EXT1: variants seen among roughly 807,000 people sequenced by gnomAD.
EXT1 encodes exostosin-1.
A neutral mutation model predicts 82.5 loss-of-function variants in EXT1; 20 were observed. The observed-to-expected ratio is 0.24, with a 90% CI of 0.17 to 0.35. The LOEUF (loss-of-function observed/expected upper bound fraction) is 0.35, where lower values mean the gene tolerates loss of function less well. Among genes scored for constraint, EXT1 ranks in the 10% least tolerant of loss-of-function variants. The pLI is 1.00. For missense variants in EXT1, 757 were observed against 936.5 expected (o/e 0.81, Z 2.50); for synonymous variants, 348 against 350.8 (o/e 0.99, Z 0.09).
intron 1 of EXT1, among the ~76,000 whole-genome samples, chr8:118,086,918 C>T (rs1027902526): frequency 2.6e-5 from 4 of 152,094 alleles, no homozygotes; most frequent in African/African-American, 4.8e-5. Flanking sequence ...AGTAAAACCC[C>T]GTGTTTTGAT....
chr8:118,106,894 A>G (rs1817810740), intron 1 of EXT1, among the ~76,000 whole-genome samples: 1 of 152,262 alleles, frequency 6.6e-6, no homozygotes, highest in Admixed American at 6.5e-5. Context: ...AATTACAGCT[A>G]TCATAAAAAT....
At position 117,799,160 on chromosome 8, in the gene EXT1, G is replaced by A. The variant is rs932713573; in HGVS notation, c.*552C>T. Reference sequence around the variant, plus strand: ...AAAGTTCAAGTGGATTTGAAGATTCGAAGTGGAAAACAATTTGCACTGGCA... The same window carrying A: ...AAAGTTCAAGTGGATTTGAAGATTCAAAGTGGAAAACAATTTGCACTGGCA... On this transcript the variant is annotated 3_prime_UTR_variant, in exon 11 of 11. Transcript: ENST00000378204. 1 of 156,014 alleles carries A rather than the reference G, an allele frequency of 6.4e-6. No homozygotes were observed. Among genetic ancestry groups the A allele is most frequent in the Non-Finnish European group, 1.4e-5 (1 of 70,542 alleles). The allele number at this position is 156,014 out of a possible 1,614,324, so 9.7% of individuals were successfully genotyped here.
chr8:117,841,900 T>A (rs1477145707), intron 1 of EXT1, among the ~76,000 whole-genome samples: 2 of 152,172 alleles, frequency 1.3e-5, no homozygotes, highest in Non-Finnish European at 2.9e-5. Flanking sequence ...TCTGTGCAAC[T>A]GGGAAAGATG....
chr8:117,826,695 C>A (rs1162657313), intron 4 of EXT1, among the ~76,000 whole-genome samples: 1 of 151,972 alleles, frequency 6.6e-6, no homozygotes. Flanking sequence ...GTTGAGAGGT[C>A]AAACTGTTAC....
chr8:117,812,565 G>A (rs757967651), intron 8 of EXT1, among the ~76,000 whole-genome samples: 1 of 152,058 alleles, frequency 6.6e-6, no homozygotes, highest in African/African-American at 2.4e-5. Context: ...TCAGTTCTGC[G>A]CAACTGCTCA....
At chr8:117,996,446 G>A (rs1275417710) in intron 1 of EXT1, among the ~76,000 whole-genome samples, 2 of 152,202 alleles carry the variant, frequency 1.3e-5, no homozygotes, top group African/African-American at 4.8e-5. Context: ...TACAGATATA[G>A]CATATTTTCA....
At chr8:118,075,108 A>G (rs1405276653) in intron 1 of EXT1, among the ~76,000 whole-genome samples, 1 of 152,246 alleles carries the variant, frequency 6.6e-6, no homozygotes, top group Non-Finnish European at 1.5e-5. Flanking sequence ...CCATGGTTAC[A>G]TCTGACAGAT....
intron 1 of EXT1, among the ~76,000 whole-genome samples, chr8:118,013,942 T>C (rs1799368713): frequency 6.6e-6 from 1 of 152,180 alleles, no homozygotes; most frequent in African/African-American, 2.4e-5. Flanking sequence ...TGGAGTTAAG[T>C]TGAACTGCGA....
chr8:117,804,749 C>T lies in EXT1; in HGVS notation c.2028G>A (p.Lys676=). 6.2e-7 allele frequency: 1 copy of T among 1,614,138 alleles called. No homozygotes were observed. ...KLPPIKVTQK[K]QYKETMMGQT... is the part of the protein sequence containing the mutation. ...GTCCCATCATTGTCTCCTTATACTG[C>T]TTCTTCTGGGTCACTTTGATTGGAG... is the stretch of plus-strand genomic sequence containing the variant. The change falls in exon 10 of 11, where the codon AAG becomes AAA. Residue 676 remains lysine (K), a synonymous_variant. Transcript: ENST00000378204.
intron 1 of EXT1, among the ~76,000 whole-genome samples, chr8:117,877,131 C>T (rs941336193): frequency 6.6e-6 from 1 of 152,166 alleles, no homozygotes; most frequent in Admixed American, 6.5e-5. Context: ...GTATCTTTTG[C>T]ACGCTGCTTT....
chr8:118,002,396 A>C (rs1479286765), intron 1 of EXT1, among the ~76,000 whole-genome samples: 2 of 150,908 alleles, frequency 1.3e-5, no homozygotes, highest in Non-Finnish European at 3.0e-5. Context: ...AAAAAAAAAA[A>C]AAAAAAGGCT....
At chr8:117,984,162 TCATCCCAGC>T (rs1200109208) in intron 1 of EXT1, among the ~76,000 whole-genome samples, 1 of 152,220 alleles carries the variant, frequency 6.6e-6, no homozygotes, top group Non-Finnish European at 1.5e-5. Context: ...CTCACACCTG[TCATCCCAGC>T]ACTTTGGGAG....
intron 1 of EXT1, among the ~76,000 whole-genome samples, chr8:117,838,846 C>G (rs552960461): frequency 6.6e-6 from 1 of 151,756 alleles, no homozygotes; most frequent in Non-Finnish European, 1.5e-5. Context: ...ACAGAAAGGT[C>G]GAATATACTT....
chr8:117,967,809 A>T (rs888840395), intron 1 of EXT1, among the ~76,000 whole-genome samples: 6 of 152,240 alleles, frequency 3.9e-5, no homozygotes, highest in African/African-American at 1.2e-4. Flanking sequence ...CTAAAGGTGG[A>T]GAGGTAATGA....
intron 7 of EXT1, among the ~76,000 whole-genome samples, chr8:117,816,576 C>T (rs1477776144): frequency 1.3e-5 from 2 of 152,136 alleles, no homozygotes; most frequent in Non-Finnish European, 2.9e-5. Flanking sequence ...GAACAAATGC[C>T]AGGGGCCTGA....
At chr8:118,025,257 C>T (rs1257491590) in intron 1 of EXT1, among the ~76,000 whole-genome samples, 1 of 152,192 alleles carries the variant, frequency 6.6e-6, no homozygotes, top group Non-Finnish European at 1.5e-5. Flanking sequence ...AGATCCACTC[C>T]TGGCTCACCG....
rs183058603 is a variant in EXT1 at position 117,907,754 on chromosome 8, A to T, written c.963-70553T>A. Among the ~76,000 whole-genome samples the T allele has an allele frequency of 1.2e-3, 177 of 152,310 alleles. 2 individuals are homozygous for T. Among genetic ancestry groups the T allele is most frequent in the Middle Eastern group, 6.8e-3 (2 of 294 alleles). On this transcript the variant is annotated intron_variant, in intron 1 of 10. Coordinates refer to ENST00000378204, the MANE Select transcript of EXT1 (RefSeq NM_000127.3). ...ATCTATTCTAGGTCTTCCTGATTAA[A>T]TTCACATTTAAAAAAAAAATTAATG...
At chr8:117,986,198 T>TTC (rs1324589687) in intron 1 of EXT1, among the ~76,000 whole-genome samples, 1 of 151,510 alleles carries the variant, frequency 6.6e-6, no homozygotes. Flanking sequence ...TTTTTTTTTT[T>TTC]TTTTTTTTTG....
chr8:117,910,418 G>T (rs1200177569), intron 1 of EXT1, among the ~76,000 whole-genome samples: 2 of 152,200 alleles, frequency 1.3e-5, no homozygotes, highest in African/African-American at 4.8e-5. Context: ...TCCACCCGGT[G>T]TGGGATCCAA....
Sources: allele counts gnomAD v4.1 joint callset (sites outside exome capture counted in the v4.1 genomes callset), GRCh38; gene constraint gnomAD v4.1.1; transcripts MANE v1.5; gene names NCBI Gene and HGNC (gene_info 2026-07-23, HGNC 2026-07-21).